CGNL1: variants seen among roughly 807,000 people sequenced by gnomAD.
The protein encoded by CGNL1 is cingulin like 1, also known as cingulin-like protein 1.
In CGNL1, 132 loss-of-function variants were observed where a neutral mutation model predicts 141.2. The observed-to-expected ratio is 0.93, with a 90% CI of 0.81 to 1.08. The LOEUF is 1.08. Ranked by LOEUF, CGNL1 falls within the 50% of genes least tolerant of loss-of-function variation. The probability of loss-of-function intolerance (pLI) is 0.00; values close to 1 mark genes in which losing one functional copy is unlikely to be tolerated. For missense variants in CGNL1, 1,870 were observed against 1,588.6 expected (o/e 1.18, Z -3.01); for synonymous variants, 690 against 622.1 (o/e 1.11, Z -1.63).
intron 4 of CGNL1, among the ~76,000 whole-genome samples, chr15:57,447,924 A>T (rs1193621692): frequency 6.6e-6 from 1 of 151,982 alleles, no homozygotes; most frequent in Non-Finnish European, 1.5e-5. Flanking sequence ...TTTTCTGGCT[A>T]CGTCAATCTT....
intron 8 of CGNL1, among the ~76,000 whole-genome samples, chr15:57,463,445 A>G (rs1280375): frequency 0.35 from 52,841 of 152,082 alleles, 9,278 homozygotes; most frequent in Middle Eastern, 0.46. Flanking sequence ...AACTACATTG[A>G]CCCATATCAG....
At chr15:57,456,543 T>C (rs1170797417) in intron 7 of CGNL1, among the ~76,000 whole-genome samples, 1 of 150,436 alleles carries the variant, frequency 6.6e-6, no homozygotes, top group African/African-American at 2.4e-5. Context: ...GGAGAAATAG[T>C]AGAAAACACT....
At chr15:57,401,273 A>C (rs1408334359) in intron 1 of CGNL1, among the ~76,000 whole-genome samples, 2 of 152,136 alleles carry the variant, frequency 1.3e-5, no homozygotes, top group Admixed American at 1.3e-4. Context: ...GTACTCTCTG[A>C]AGTGTTTGTA....
chr15:57,533,017 G>C (rs570596177), intron 14 of CGNL1, among the ~76,000 whole-genome samples: 2 of 152,186 alleles, frequency 1.3e-5, no homozygotes, highest in African/African-American at 4.8e-5. Context: ...CCAGAGCTTG[G>C]GGATAGCACC....
chr15:57,452,171 A>G lies in CGNL1; in HGVS notation c.1936A>G (p.Arg646Gly). The change falls in exon 6 of 19, where the codon AGG (arginine) becomes GGG (glycine). Residue 646 changes from arginine (R) to glycine (G), a missense_variant. Coordinates refer to ENST00000281282, the MANE Select transcript of CGNL1 (RefSeq NM_032866.5). ...ACAGAACATTAAAGAAGAGAGAGAG[A>G]GGATGAGAGCAAACCTAGAAGAGCT... ...NQQNIKEERERMRANLEELRS... is the reference protein window; with the variant it reads ...NQQNIKEEREGMRANLEELRS... 1 of 1,613,288 alleles carries G rather than the reference A, an allele frequency of 6.2e-7. No individual in the cohort carries two copies. Among genetic ancestry groups the G allele is most frequent in the Non-Finnish European group, 8.5e-7 (1 of 1,179,612 alleles).
rs16977457 is a variant in CGNL1 at position 57,393,482 on chromosome 15, C to T, written c.-16+16915C>T. Among the ~76,000 whole-genome samples, 793 of 152,262 alleles carry T rather than the reference C, an allele frequency of 5.2e-3. 24 individuals are homozygous for T. The East Asian group carries it at 0.061, about 12-fold the overall frequency. ...ATGATTCCAGTGTGCTTTTGAAATA[C>T]AGAAAACAAGTGTACCTTTTCAGTG... On this transcript the variant is annotated intron_variant, in intron 1 of 18. Coordinates refer to ENST00000281282, the MANE Select transcript of CGNL1 (RefSeq NM_032866.5).
In CGNL1 at chr15:57,428,888, C is replaced by T. The variant is rs576452952; in HGVS notation, c.-15-9097C>T. ...AAATACAAAAATTAGCTGGGTGTGG[C>T]GACATGTGCCTGTAATCCCAGCTAC... On this transcript the variant is annotated intron_variant, in intron 1 of 18. Transcript: ENST00000281282. Among the ~76,000 whole-genome samples the T allele has an allele frequency of 4.6e-5, 7 of 151,884 alleles. No homozygotes were observed. In the East Asian group the frequency reaches 5.8e-4, roughly 13 times the overall value.
At chr15:57,539,599 G>T (rs1188953368) in intron 14 of CGNL1, among the ~76,000 whole-genome samples, 2 of 152,188 alleles carry the variant, frequency 1.3e-5, no homozygotes, top group Non-Finnish European at 2.9e-5. Context: ...TTCACCTCCA[G>T]CGCCTCCTCT....
In CGNL1 at chr15:57,438,577, C is replaced by A. The variant is rs2063138686; in HGVS notation, c.578C>A (p.Pro193His). The A allele has an allele frequency of 1.2e-6, 2 of 1,613,652 alleles. No homozygotes were observed. The highest frequency in any genetic ancestry group is 1.7e-6 in the Non-Finnish European group (2 of 1,180,026). Reference sequence around the variant, plus strand: ...AATAAGAAGCCTTGGACTTGCTTTCCCAAACCTAGCAATTCCCAGCCTACC... The same window carrying A: ...AATAAGAAGCCTTGGACTTGCTTTCACAAACCTAGCAATTCCCAGCCTACC... ...INNKKPWTCF[P>H]KPSNSQPTSP... Residue 193 changes from proline to histidine, a missense_variant, in exon 2 of 19, where the codon CCC (proline) becomes CAC (histidine). Physicochemically the swap from Pro to His is moderately conservative, Grantham distance 77. Coordinates refer to ENST00000281282, the MANE Select transcript of CGNL1 (RefSeq NM_032866.5).
intron 8 of CGNL1, among the ~76,000 whole-genome samples, chr15:57,475,468 T>C (rs528390377): frequency 1.3e-5 from 2 of 151,810 alleles, no homozygotes; most frequent in African/African-American, 4.8e-5. Context: ...TCTGAGAAAC[T>C]GGGATCTATG....
At chr15:57,479,745 G>A (rs2063702466) in intron 8 of CGNL1, among the ~76,000 whole-genome samples, 2 of 152,098 alleles carry the variant, frequency 1.3e-5, no homozygotes, top group Admixed American at 1.3e-4. Context: ...AAACAAAACA[G>A]GCAGAGCAGT....
intron 8 of CGNL1, among the ~76,000 whole-genome samples, chr15:57,478,795 C>T (rs2063688862): frequency 6.6e-6 from 1 of 152,212 alleles, no homozygotes; most frequent in East Asian, 1.9e-4. Flanking sequence ...AGTGTCACTA[C>T]CTCTGGCTAC....
intron 6 of CGNL1, among the ~76,000 whole-genome samples, chr15:57,452,522 CA>C (rs2063334113): frequency 6.6e-6 from 1 of 152,164 alleles, no homozygotes; most frequent in Non-Finnish European, 1.5e-5. Context: ...GTATACGTTA[CA>C]AAGTTTCAGT....
At chr15:57,506,850 C>G (rs1186916891) in intron 8 of CGNL1, among the ~76,000 whole-genome samples, 1 of 152,134 alleles carries the variant, frequency 6.6e-6, no homozygotes, top group African/African-American at 2.4e-5. Context: ...ACTGAAGTTT[C>G]GAGAAGAACA....
intron 1 of CGNL1, among the ~76,000 whole-genome samples, chr15:57,421,233 C>T (rs1398716948): frequency 1.3e-5 from 2 of 152,196 alleles, no homozygotes; most frequent in African/African-American, 4.8e-5. Flanking sequence ...TGGTCTTGGA[C>T]TTCTTACCTC....
intron 14 of CGNL1, among the ~76,000 whole-genome samples, chr15:57,532,769 C>G (rs1331118418): frequency 1.3e-5 from 2 of 152,214 alleles, no homozygotes; most frequent in African/African-American, 2.4e-5. Flanking sequence ...CTACCACATT[C>G]CACACACTTG....
At chr15:57,384,213 C>G (rs1246352129) in intron 1 of CGNL1, among the ~76,000 whole-genome samples, 5 of 152,112 alleles carry the variant, frequency 3.3e-5, no homozygotes, top group African/African-American at 7.2e-5. Context: ...GTCCAACTTT[C>G]TGGGTGTGAG....
Position 57,528,733 on chromosome 15 carries a change from A to G in CGNL1, c.3119A>G (p.Gln1040Arg). ...CTCACAAAAAGGCAGCTTCTGGAGC[A>G]GACGCTGAAGGACCTGGAGTATGAG... ...EALTKRQLLE[Q>R]TLKDLEYELE... The change falls in exon 13 of 19, where the codon CAG (glutamine) becomes CGG (arginine). Residue 1040 changes from glutamine (Q) to arginine (R), a missense_variant. Gln to Arg is a conservative substitution (Grantham distance 43). Transcript: ENST00000281282. 6.2e-7 allele frequency: 1 copy of G among 1,614,216 alleles called. No homozygotes were observed. The highest frequency in any genetic ancestry group is 8.5e-7 in the Non-Finnish European group (1 of 1,180,030).
intron 1 of CGNL1, among the ~76,000 whole-genome samples, chr15:57,405,772 CTCTT>C (rs201323807): frequency 0.019 from 2,377 of 123,472 alleles, 59 homozygotes; most frequent in African/African-American, 0.038. Context: ...TTCTTTCTTT[CTCTT>C]TCTTTCTTTC....
Sources: allele counts gnomAD v4.1 joint callset (sites outside exome capture counted in the v4.1 genomes callset), GRCh38; gene constraint gnomAD v4.1.1; transcripts MANE v1.5; gene names NCBI Gene and HGNC (gene_info 2026-07-23, HGNC 2026-07-21).